Variants in ANK2 observed in about 807,000 individuals in gnomAD.
ANK2 encodes ankyrin-2.
Under a neutral mutation model 360.5 loss-of-function variants are expected in ANK2, and 83 were observed. The observed-to-expected ratio is 0.23, with a 90% CI of 0.19 to 0.28. ANK2 has a LOEUF of 0.28. Among genes scored for constraint, ANK2 ranks in the 10% least tolerant of loss-of-function variants. The pLI, the probability that ANK2 is intolerant of heterozygous loss-of-function variation, is 1.00. For synonymous variants in ANK2, 1,740 were observed against 1,759.5 expected, an observed-to-expected ratio of 0.99 and a Z score of 0.28; for missense variants, 4,201 against 4,795.7, an observed-to-expected ratio of 0.88 and a Z score of 3.66.
At chr4:112,765,788 A>G in the ANK2 span, among the ~76,000 whole-genome samples, 2 of 151,924 alleles carry the variant, frequency 1.3e-5, no homozygotes, top group Admixed American at 1.3e-4. Context: ...CTACATCAGC[A>G]TAGTACTGCC....
At chr4:112,848,112 A>C (rs1323754422) in intron 1 of ANK2, among the ~76,000 whole-genome samples, 1 of 151,982 alleles carries the variant, frequency 6.6e-6, no homozygotes, top group Non-Finnish European at 1.5e-5. Context: ...AAAATCAATT[A>C]TTTTATTTTA....
At chr4:112,862,619 A>T (rs542360339) in intron 1 of ANK2, among the ~76,000 whole-genome samples, 3 of 152,236 alleles carry the variant, frequency 2.0e-5, no homozygotes, top group Non-Finnish European at 4.4e-5. Flanking sequence ...TTCTCTTCAT[A>T]TTAGATGGCA....
At chr4:113,082,319 G>A (rs1346969839) in intron 1 of ANK2, among the ~76,000 whole-genome samples, 2 of 151,670 alleles carry the variant, frequency 1.3e-5, no homozygotes, top group Non-Finnish European at 1.5e-5. Context: ...TCCCCTTTTT[G>A]TGGAGAGTGG....
At chr4:112,915,238 T>A (rs73840937) in intron 2 of ANK2, among the ~76,000 whole-genome samples, 2,745 of 152,250 alleles carry the variant, frequency 0.018, 31 homozygotes, top group Middle Eastern at 0.037. Context: ...CCTCAGGGAC[T>A]CAAAGTTCAT....
rs146504109 is a variant in ANK2 at position 113,358,001 on chromosome 4, G to A, written c.9383G>A (p.Ser3128Asn). ...ACCAAAAGGTCCTATGCAGATGAAA[G>A]TTTTCACTTTTTCCAAATTGGTCAA... ...DMTKRSYADE[S>N]FHFFQIGQES... is the part of the protein sequence containing the mutation. The change falls in exon 38 of 46, where the codon AGT (serine) becomes AAT (asparagine). Residue 3128 changes from serine (S) to asparagine (N), a missense_variant. By Grantham distance (46) the Ser-to-Asn change is conservative. Coordinates refer to ENST00000357077, the MANE Select transcript of ANK2 (RefSeq NM_001148.6). 4.6e-5 allele frequency: 74 copies of A among 1,614,036 alleles called. 1 individual carries two copies. In the East Asian group the frequency reaches 1.6e-3, roughly 35 times the overall value.
intron 1 of ANK2, among the ~76,000 whole-genome samples, chr4:113,052,672 C>T (rs1288160304): frequency 2.6e-5 from 4 of 152,142 alleles, no homozygotes; most frequent in African/African-American, 9.7e-5. Context: ...AGTAAGGGAG[C>T]TTGTCGGTGC....
chr4:112,801,958 A>C, the ANK2 span, among the ~76,000 whole-genome samples: 1 of 106,782 alleles, frequency 9.4e-6, no homozygotes, highest in East Asian at 8.0e-4. Context: ...TAGACCATTC[A>C]TGATTTTTTT....
At chr4:113,054,975 A>G (rs942334177) in intron 1 of ANK2, among the ~76,000 whole-genome samples, 1 of 152,130 alleles carries the variant, frequency 6.6e-6, no homozygotes, top group African/African-American at 2.4e-5. Context: ...CAACTACCAG[A>G]ATTACCTGGG....
rs745764335 is a variant in ANK2 at position 113,357,430 on chromosome 4, T to C, written c.8812T>C (p.Ser2938Pro). The change falls in exon 38 of 46, where the codon TCT becomes CCT. Residue 2938 changes from serine (S) to proline (P), a missense_variant. By Grantham distance (74) the Ser-to-Pro change is moderately conservative. Coordinates refer to ENST00000357077, the MANE Select transcript of ANK2 (RefSeq NM_001148.6). ...AAATGTCCCTTCCCAATCTTTTTTC[T>C]CTAGTGAAGAAAGCAAAACCCAAAC... ...YENVPSQSFFSSEESKTQTDA... is the reference protein window; with the variant it reads ...YENVPSQSFFPSEESKTQTDA... The C allele has an allele frequency of 5.6e-6, 9 of 1,614,100 alleles. No individual in the cohort carries two copies. Among genetic ancestry groups the C allele is most frequent in the Non-Finnish European group, 6.8e-6 (8 of 1,179,966 alleles).
At chr4:113,288,942 T>C (rs951058061) in intron 20 of ANK2, among the ~76,000 whole-genome samples, 4 of 152,100 alleles carry the variant, frequency 2.6e-5, no homozygotes, top group African/African-American at 7.2e-5. Context: ...GAGGCAATAA[T>C]GTATAAGGCC....
At chr4:112,909,710 T>A (rs1296598150) in intron 2 of ANK2, among the ~76,000 whole-genome samples, 1 of 152,228 alleles carries the variant, frequency 6.6e-6, no homozygotes, top group East Asian at 1.9e-4. Context: ...CACTCTGTGA[T>A]GAGCGTTTCT....
intron 1 of ANK2, among the ~76,000 whole-genome samples, chr4:113,051,691 C>A (rs2067102472): frequency 6.6e-6 from 1 of 152,104 alleles, no homozygotes; most frequent in Admixed American, 6.6e-5. Flanking sequence ...CTTGCCTAGT[C>A]AGTCAGACAT....
At chr4:112,774,547 C>A in the ANK2 span, among the ~76,000 whole-genome samples, 1 of 152,128 alleles carries the variant, frequency 6.6e-6, no homozygotes, top group Non-Finnish European at 1.5e-5. Context: ...AGCTAACTAA[C>A]GAACTGACTA....
In ANK2 at chr4:113,318,557, G is replaced by T. The variant is rs768671380; in HGVS notation, c.2837G>T (p.Arg946Leu). Residue 946 changes from arginine to leucine, a missense_variant, in exon 26 of 46, where the codon CGC becomes CTC. Coordinates refer to ENST00000357077, the MANE Select transcript of ANK2 (RefSeq NM_001148.6). ...AAGGAGGCAGAAAGGAATTCTTATCGCCTAAGCTGGGGCACTGAGAACTTA... is the reference window on the plus strand; with the variant it reads ...AAGGAGGCAGAAAGGAATTCTTATCTCCTAAGCTGGGGCACTGAGAACTTA... ...LAKEAERNSY[R>L]LSWGTENLDN... 2 of 1,613,742 alleles carry T rather than the reference G, an allele frequency of 1.2e-6. No individual in the cohort carries two copies. The highest frequency in any genetic ancestry group is 1.7e-6 in the Non-Finnish European group (2 of 1,179,796).
intron 2 of ANK2, among the ~76,000 whole-genome samples, chr4:113,017,005 A>C (rs1044046955): frequency 5.3e-5 from 8 of 152,178 alleles, no homozygotes; most frequent in Admixed American, 2.0e-4. Context: ...TATCCCGTTC[A>C]CTTCATTTTT....
At chr4:112,711,719 C>T in the ANK2 span, among the ~76,000 whole-genome samples, 1 of 151,854 alleles carries the variant, frequency 6.6e-6, no homozygotes, top group Non-Finnish European at 1.5e-5. Context: ...ACTTGGGAGG[C>T]TGAGGCAGGA....
chr4:112,857,960 G>A (rs2066866880), intron 1 of ANK2, among the ~76,000 whole-genome samples: 1 of 152,156 alleles, frequency 6.6e-6, no homozygotes, highest in African/African-American at 2.4e-5. Context: ...AACTCAATAG[G>A]AAGTAGAACT....
At chr4:112,822,130 C>T (rs993296936) in intron 1 of ANK2, among the ~76,000 whole-genome samples, 2 of 150,442 alleles carry the variant, frequency 1.3e-5, no homozygotes, top group Non-Finnish European at 2.9e-5. Flanking sequence ...GGGCCGGGCA[C>T]GGTGGCTTAC....
rs28391835 is a variant in ANK2 at position 113,182,035 on chromosome 4, A to G, written c.186+7518A>G. On this transcript the variant is annotated intron_variant, in intron 2 of 45. Coordinates refer to ENST00000357077, the MANE Select transcript of ANK2 (RefSeq NM_001148.6). The stretch of plus-strand genomic sequence containing the variant: ...GCAGGGAACACTTTTGTGATACTTT[A>G]GGTGAGAAGTGAGGTGTTTTACAGT... Among the ~76,000 whole-genome samples, 827 of 152,300 alleles carry G rather than the reference A, an allele frequency of 5.4e-3. 9 individuals carry two copies. The highest frequency in any genetic ancestry group is 0.019 in the African/African-American group (794 of 41,576).
Sources: gnomAD v4.1 joint callset for allele counts (sites outside exome capture counted in the v4.1 genomes callset) on GRCh38, gnomAD v4.1.1 for gene constraint, MANE v1.5 for transcripts, NCBI Gene and HGNC (gene_info 2026-07-23, HGNC 2026-07-21) for gene names.